The following GALNT13 variants were observed in gnomAD, a reference collection of about 807,000 sequenced individuals.
The protein encoded by GALNT13 is polypeptide N-acetylgalactosaminyltransferase 13.
A neutral mutation model predicts 64.2 loss-of-function variants in GALNT13; 28 were observed. That is an observed-to-expected ratio of 0.44 (90% CI 0.32 to 0.60). GALNT13 has a LOEUF of 0.60. GALNT13 is among the 20% of genes least tolerant of loss of function. The pLI is 0.05. For missense variants in GALNT13, 577 were observed against 669.8 expected (o/e 0.86, Z 1.53); for synonymous variants, 214 against 224.6 (o/e 0.95, Z 0.42).
At chr2:154,244,922 A>C (rs1352205774) in intron 6 of GALNT13, among the ~76,000 whole-genome samples, 2 of 151,958 alleles carry the variant, frequency 1.3e-5, no homozygotes, top group Non-Finnish European at 2.9e-5. Context: ...GGAGTTCGAG[A>C]CCAACCTAGC....
chr2:153,498,289 G>A, the GALNT13 span, among the ~76,000 whole-genome samples: 10 of 152,238 alleles, frequency 6.6e-5, no homozygotes, highest in Non-Finnish European at 1.5e-4. Context: ...GTGTCACTTC[G>A]CCAGCTGGAA....
chr2:154,032,517 A>C (rs1156304220), intron 3 of GALNT13, among the ~76,000 whole-genome samples: 3 of 152,058 alleles, frequency 2.0e-5, no homozygotes, highest in Admixed American at 1.3e-4. Flanking sequence ...ATCTTCAATA[A>C]AATTTTAAGA....
the GALNT13 span, among the ~76,000 whole-genome samples, chr2:153,223,633 A>G: frequency 6.6e-6 from 1 of 152,194 alleles, no homozygotes; most frequent in African/African-American, 2.4e-5. Context: ...GTTCAACTAA[A>G]TATTAGTGAA....
chr2:153,554,951 G>C, the GALNT13 span, among the ~76,000 whole-genome samples: 1 of 152,026 alleles, frequency 6.6e-6, no homozygotes, highest in Non-Finnish European at 1.5e-5. Flanking sequence ...TGTTAGAGCA[G>C]GTAGATAGAG....
At chr2:153,434,062 G>A in the GALNT13 span, among the ~76,000 whole-genome samples, 3 of 152,054 alleles carry the variant, frequency 2.0e-5, no homozygotes, top group African/African-American at 7.2e-5. Flanking sequence ...TCCCACCTAT[G>A]AGTGAGAACA....
the GALNT13 span, among the ~76,000 whole-genome samples, chr2:153,704,000 A>G: frequency 4.3e-4 from 66 of 152,162 alleles, no homozygotes; most frequent in African/African-American, 1.4e-3. Context: ...CCTATAGAAT[A>G]CTCTATATTT....
At chr2:153,629,986 AGT>A in the GALNT13 span, among the ~76,000 whole-genome samples, 1 of 145,604 alleles carries the variant, frequency 6.9e-6, no homozygotes, top group Non-Finnish European at 1.5e-5. Context: ...ATCATTAAAA[AGT>A]CAGGAAACAA....
At chr2:153,289,606 C>G in the GALNT13 span, among the ~76,000 whole-genome samples, 1 of 152,192 alleles carries the variant, frequency 6.6e-6, no homozygotes. Flanking sequence ...GGGAATCACT[C>G]TCCATTTCTT....
chr2:153,797,254 A>T, the GALNT13 span, among the ~76,000 whole-genome samples: 1 of 152,254 alleles, frequency 6.6e-6, no homozygotes, highest in Admixed American at 6.5e-5. Context: ...TTTCAATCTG[A>T]AAGAACGAAT....
the GALNT13 span, among the ~76,000 whole-genome samples, chr2:153,676,273 A>G: frequency 6.6e-6 from 1 of 152,182 alleles, no homozygotes. Context: ...GAATAAATGT[A>G]TATATTCCTG....
chr2:154,320,833 T>C (rs1694583871), intron 9 of GALNT13, among the ~76,000 whole-genome samples: 2 of 152,144 alleles, frequency 1.3e-5, no homozygotes, highest in African/African-American at 2.4e-5. Flanking sequence ...AACCTAATCA[T>C]CCAAAATGCT....
At chr2:153,940,067 T>A (rs966357015) in intron 2 of GALNT13, among the ~76,000 whole-genome samples, 1 of 151,150 alleles carries the variant, frequency 6.6e-6, no homozygotes, top group Non-Finnish European at 1.5e-5. Flanking sequence ...AATGAGGGCA[T>A]TTTTTGTTGT....
At chr2:153,750,144 T>C in the GALNT13 span, among the ~76,000 whole-genome samples, 2,507 of 151,998 alleles carry the variant, frequency 0.016, 75 homozygotes, top group East Asian at 0.13. Context: ...AATTTGAGTA[T>C]CTTGAGTCAT....
chr2:153,202,715 T>C, the GALNT13 span, among the ~76,000 whole-genome samples: 1 of 152,208 alleles, frequency 6.6e-6, no homozygotes, highest in African/African-American at 2.4e-5. Context: ...ATAAAATAAA[T>C]TATGATCTCC....
At chr2:153,411,286 A>G in the GALNT13 span, among the ~76,000 whole-genome samples, 1 of 151,196 alleles carries the variant, frequency 6.6e-6, no homozygotes, top group Non-Finnish European at 1.5e-5. Flanking sequence ...CCAGCACTGG[A>G]TTCAGTATAG....
chr2:154,118,451 AT>A (rs975030385), intron 3 of GALNT13, among the ~76,000 whole-genome samples: 4 of 151,350 alleles, frequency 2.6e-5, no homozygotes, highest in Admixed American at 6.6e-5. Flanking sequence ...ACAGGTAGGT[AT>A]TTTTTTTAAT....
the GALNT13 span, among the ~76,000 whole-genome samples, chr2:153,796,546 A>ACTTTACTGT: frequency 6.6e-6 from 1 of 152,336 alleles, no homozygotes; most frequent in South Asian, 2.1e-4. Context: ...ATATTACAGT[A>ACTTTACTGT]AAGTATAACA....
intron 11 of GALNT13, among the ~76,000 whole-genome samples, chr2:154,426,145 A>G (rs968425477): frequency 1.3e-5 from 2 of 151,020 alleles, no homozygotes; most frequent in South Asian, 2.1e-4. Flanking sequence ...TCCTCTTCCA[A>G]CCTCCCTGGT....
chr2:154,394,007 G>A (rs908209881), intron 9 of GALNT13, among the ~76,000 whole-genome samples: 1 of 142,282 alleles, frequency 7.0e-6, no homozygotes, highest in Non-Finnish European at 1.5e-5. Flanking sequence ...GAACCCGGGA[G>A]GCGGAGCTTG....
Sources: allele counts gnomAD v4.1 joint callset (sites outside exome capture counted in the v4.1 genomes callset), GRCh38; gene constraint gnomAD v4.1.1; transcripts MANE v1.5; gene names NCBI Gene and HGNC (gene_info 2026-07-23, HGNC 2026-07-21).